AGBL1: variants seen among roughly 807,000 people sequenced by gnomAD.
AGBL1 encodes cytosolic carboxypeptidase 4.
A neutral mutation model predicts 118.9 loss-of-function variants in AGBL1; 130 were observed. The ratio of observed to expected loss-of-function variants is 1.09; its 90% CI spans 0.95 to 1.26. The LOEUF (loss-of-function observed/expected upper bound fraction) is 1.26, where lower values mean the gene tolerates loss of function less well. Ranked by LOEUF, AGBL1 falls within the 50% of genes most tolerant of loss-of-function variation. The probability of loss-of-function intolerance (pLI) is 0.00; values close to 1 mark genes in which losing one functional copy is unlikely to be tolerated. For missense variants in AGBL1, 1,584 were observed against 1,298.1 expected (o/e 1.22, Z -3.38); for synonymous variants, 555 against 478.9 (o/e 1.16, Z -2.08).
chr15:86,833,629 T>C (rs1028451717), intron 22 of AGBL1, among the ~76,000 whole-genome samples: 5 of 152,126 alleles, frequency 3.3e-5, no homozygotes, highest in African/African-American at 1.2e-4. Flanking sequence ...GAAAACGAAC[T>C]AATACAGTAC....
At chr15:86,353,854 C>T (rs893058760) in intron 17 of AGBL1, among the ~76,000 whole-genome samples, 2 of 151,966 alleles carry the variant, frequency 1.3e-5, no homozygotes, top group Non-Finnish European at 2.9e-5. Flanking sequence ...GTATGAGAAC[C>T]CAATCATTTA....
Position 86,829,957 on chromosome 15 carries a change from C to T in AGBL1, c.3159-77130C>T, listed in dbSNP as rs531180432. Among the ~76,000 whole-genome samples, 83 of 152,216 alleles carry T rather than the reference C, an allele frequency of 5.5e-4. 1 individual carries two copies. The highest frequency in any genetic ancestry group is 1.8e-3 in the African/African-American group (74 of 41,536). ...TGCAATAGCCAAGAATGCTGCTACA[C>T]ATTTTCACACACCCCCAGGAGGGTA... is the stretch of plus-strand genomic sequence containing the variant. On this transcript the variant is annotated intron_variant, in intron 22 of 22. Coordinates refer to ENST00000614907, the MANE Select transcript of AGBL1 (RefSeq NM_001386094.1).
chr15:86,653,978 G>C (rs1279050247), intron 21 of AGBL1, among the ~76,000 whole-genome samples: 1 of 152,186 alleles, frequency 6.6e-6, no homozygotes, highest in Non-Finnish European at 1.5e-5. Context: ...AATGTGAGTA[G>C]TTTGATAAAA....
At chr15:86,887,056 A>T (rs1000839408) in intron 22 of AGBL1, among the ~76,000 whole-genome samples, 1 of 152,212 alleles carries the variant, frequency 6.6e-6, no homozygotes, top group Non-Finnish European at 1.5e-5. Context: ...TGCTCATAAT[A>T]TGTGTCTAAG....
At chr15:86,233,648 G>A (rs562549440) in intron 6 of AGBL1, among the ~76,000 whole-genome samples, 49 of 152,278 alleles carry the variant, frequency 3.2e-4, no homozygotes, top group Middle Eastern at 3.4e-3. Flanking sequence ...CTTAAAAAAT[G>A]GGCTGACACT....
chr15:86,249,522 A>G (rs1031456301), intron 7 of AGBL1, among the ~76,000 whole-genome samples: 7 of 152,158 alleles, frequency 4.6e-5, no homozygotes, highest in African/African-American at 1.2e-4. Context: ...TGAAATAGCT[A>G]TATTTTACCT....
intron 23 of AGBL1, among the ~76,000 whole-genome samples, chr15:86,975,065 A>G (rs1045673363): frequency 1.1e-4 from 16 of 152,084 alleles, no homozygotes; most frequent in African/African-American, 3.6e-4. Context: ...GACAGGACCA[A>G]GTAATCCTCC....
intron 1 of AGBL1, among the ~76,000 whole-genome samples, chr15:86,106,143 AGTATGCTG>A (rs1433547603): frequency 6.6e-6 from 1 of 152,212 alleles, no homozygotes; most frequent in Non-Finnish European, 1.5e-5. Context: ...GATATAACCT[AGTATGCTG>A]TTGTATTTGT....
chr15:86,754,404 A>G (rs1229271557), intron 22 of AGBL1, among the ~76,000 whole-genome samples: 3 of 152,136 alleles, frequency 2.0e-5, no homozygotes, highest in Non-Finnish European at 4.4e-5. Context: ...TGATTGATTA[A>G]TGGTTCTGTC....
At chr15:86,292,393 C>G (rs1233306354) in intron 16 of AGBL1, among the ~76,000 whole-genome samples, 2 of 152,092 alleles carry the variant, frequency 1.3e-5, no homozygotes, top group Non-Finnish European at 2.9e-5. Flanking sequence ...GGGAAGAGAT[C>G]TTGTATAGAG....
intron 18 of AGBL1, among the ~76,000 whole-genome samples, chr15:86,511,475 A>G (rs897416643): frequency 1.6e-4 from 24 of 152,002 alleles, no homozygotes; most frequent in African/African-American, 5.8e-4. Flanking sequence ...GATGGTTAGG[A>G]CATTTGTGCT....
At chr15:86,580,794 T>A (rs2084162902) in intron 21 of AGBL1, among the ~76,000 whole-genome samples, 1 of 152,198 alleles carries the variant, frequency 6.6e-6, no homozygotes, top group Non-Finnish European at 1.5e-5. Flanking sequence ...TATGGAACAC[T>A]AGAACTTAGT....
At chr15:86,405,518 A>C (rs981233937) in intron 18 of AGBL1, among the ~76,000 whole-genome samples, 3 of 151,712 alleles carry the variant, frequency 2.0e-5, no homozygotes, top group Middle Eastern at 3.2e-3. Flanking sequence ...AAAAAACAAA[A>C]AAGCAAAAAA....
At chr15:86,419,039 GA>G (rs1294331763) in intron 18 of AGBL1, among the ~76,000 whole-genome samples, 1 of 152,050 alleles carries the variant, frequency 6.6e-6, no homozygotes, top group Admixed American at 6.6e-5. Context: ...GGCAAAGACT[GA>G]ACATTTTTTG....
At chr15:87,014,525 T>C (rs1335594447) in intron 24 of AGBL1, among the ~76,000 whole-genome samples, 2 of 152,152 alleles carry the variant, frequency 1.3e-5, no homozygotes, top group Non-Finnish European at 2.9e-5. Context: ...TGAAAATGTA[T>C]CCTAGGGCCA....
intron 22 of AGBL1, among the ~76,000 whole-genome samples, chr15:86,881,704 A>G (rs2079893789): frequency 1.3e-5 from 2 of 152,102 alleles, no homozygotes; most frequent in Non-Finnish European, 2.9e-5. Flanking sequence ...GGGTGCTCTC[A>G]GCTCACTGCA....
chr15:86,617,155 C>A (rs574078866), intron 21 of AGBL1, among the ~76,000 whole-genome samples: 20 of 152,254 alleles, frequency 1.3e-4, no homozygotes, highest in African/African-American at 4.8e-4. Flanking sequence ...TTTCTAATTG[C>A]ATTCTATAAA....
chr15:86,843,395 G>C (rs2079273240), intron 22 of AGBL1, among the ~76,000 whole-genome samples: 1 of 152,034 alleles, frequency 6.6e-6, no homozygotes, highest in Non-Finnish European at 1.5e-5. Context: ...TGGATGTTAA[G>C]GCAAGAAGGG....
At chr15:86,639,045 C>G (rs561148801) in intron 21 of AGBL1, among the ~76,000 whole-genome samples, 8 of 152,310 alleles carry the variant, frequency 5.3e-5, no homozygotes, top group African/African-American at 1.9e-4. Flanking sequence ...GATGCTGCAG[C>G]TCACTTCATC....
Sources: allele counts gnomAD v4.1 joint callset (sites outside exome capture counted in the v4.1 genomes callset), GRCh38; gene constraint gnomAD v4.1.1; transcripts MANE v1.5; gene names NCBI Gene and HGNC (gene_info 2026-07-23, HGNC 2026-07-21).